Variants in AP3B2 observed in about 807,000 individuals in gnomAD.
AP3B2 encodes adaptor related protein complex 3 subunit beta 2, also known as AP-3 complex subunit beta-2.
In AP3B2, 50 loss-of-function variants were observed where a neutral mutation model predicts 126.9. That is an observed-to-expected ratio of 0.39 (90% CI 0.31 to 0.50). AP3B2 has a LOEUF of 0.50. Ranked by LOEUF, AP3B2 falls within the 20% of genes least tolerant of loss-of-function variation. AP3B2 has a pLI of 0.79. For synonymous variants in AP3B2, 541 were observed against 565.0 expected, an observed-to-expected ratio of 0.96 and a Z score of 0.60; for missense variants, 1,177 against 1,426.4, an observed-to-expected ratio of 0.83 and a Z score of 2.82.
rs1453188847 is a variant in AP3B2 at position 82,680,861 on chromosome 15, C to T, written c.747G>A (p.Thr249=). ...IISMLTRYAR[T]QFLSPTQNES... is the part of the protein sequence containing the mutation. ...CGTTCTGGGTGGGGCTCAGGAACTG[C>T]GTGCGGGCGTAGCGGGTGAGCATGC... Residue 249 remains threonine, a synonymous_variant, in exon 7 of 27, where the codon ACG becomes ACA. Coordinates refer to ENST00000535359, the MANE Select transcript of AP3B2 (RefSeq NM_001278512.2). This position sits in a 1 kb window ranked among gnomAD's most constrained non-coding sequence, Gnocchi z 6.1. 3.1e-6 allele frequency: 5 copies of T among 1,613,748 alleles called. No individual in the cohort carries two copies. Among genetic ancestry groups the T allele is most frequent in the Non-Finnish European group, 4.2e-6 (5 of 1,179,786 alleles).
Position 82,666,942 on chromosome 15 carries a change from A to C in AP3B2, c.1666-9T>G. 1 of 1,604,754 alleles carries C rather than the reference A, an allele frequency of 6.2e-7. No individual in the cohort carries two copies. Among genetic ancestry groups the C allele is most frequent in the South Asian group, 1.1e-5 (1 of 90,522 alleles). Reference sequence around the variant, plus strand: ...TGGGTCAGCAGCTTGGTCTGGAGGAACAGGAAGAGGTGGGTCAGCTGACGG... The same window carrying C: ...TGGGTCAGCAGCTTGGTCTGGAGGACCAGGAAGAGGTGGGTCAGCTGACGG... On this transcript the variant is annotated splice_polypyrimidine_tract_variant and intron_variant, in intron 14 of 26. Coordinates refer to ENST00000535359, the MANE Select transcript of AP3B2 (RefSeq NM_001278512.2).
chr15:82,669,459 C>T (rs1257176548), intron 14 of AP3B2, among the ~76,000 whole-genome samples: 3 of 151,892 alleles, frequency 2.0e-5, no homozygotes, highest in Admixed American at 2.0e-4. Flanking sequence ...TTTGGGAGGC[C>T]GAGGCAGGCA....
At chr15:82,669,427 C>A (rs1159290737) in intron 14 of AP3B2, among the ~76,000 whole-genome samples, 1 of 152,224 alleles carries the variant, frequency 6.6e-6, no homozygotes, top group African/African-American at 2.4e-5. Flanking sequence ...GGTGCGGTGG[C>A]TGATGCCTGT....
In AP3B2 at chr15:82,662,152, C is replaced by T. The variant is rs719334; in HGVS notation, c.2918+16G>A. 1.1e-5 allele frequency: 18 copies of T among 1,586,342 alleles called. No individual in the cohort carries two copies. The highest frequency in any genetic ancestry group is 1.5e-5 in the Non-Finnish European group (17 of 1,164,810). ...CCAGCCCATCCTCTCACCCCCACCT[C>T]GAGTTGGGCACATACCACAGCTGGA... On this transcript the variant is annotated intron_variant, in intron 24 of 26. Transcript: ENST00000535359.
In AP3B2 at chr15:82,664,297, C is replaced by T; in HGVS notation, c.2261+70G>A. 1.2e-6 allele frequency: 2 copies of T among 1,608,136 alleles called. No homozygotes were observed. The highest frequency in any genetic ancestry group is 8.5e-7 in the Non-Finnish European group (1 of 1,178,872). ...GGGGCTCTTAGGAGACTGGCTAAAG[C>T]TCAATGCTAGCCCTCTTTCCAGGAA... On this transcript the variant is annotated intron_variant, in intron 19 of 26. Transcript: ENST00000535359. This position sits in a 1 kb window ranked among gnomAD's most constrained non-coding sequence, Gnocchi z 4.5.
Position 82,662,764 on chromosome 15 carries a change from G to T in AP3B2, c.2763C>A (p.Pro921=). The T allele has an allele frequency of 6.2e-7, 1 of 1,613,882 alleles. No homozygotes were observed. The highest frequency in any genetic ancestry group is 2.2e-5 in the East Asian group (1 of 44,876). The change falls in exon 23 of 27, where the codon CCC becomes CCA. Residue 921 remains proline (P), a synonymous_variant. Coordinates refer to ENST00000535359, the MANE Select transcript of AP3B2 (RefSeq NM_001278512.2). ...GAGTGCCCACATGCAGGCCCTTGAT[G>T]GGGGTATCAGAGCTGTTGGAGAAGT... ...HIHFSNSSDT[P]IKGLHVGTPK...
intron 10 of AP3B2, 34 bp from the exon 11 acceptor site, chr15:82,678,201 G>A: frequency 6.2e-7 from 1 of 1,605,688 alleles, no homozygotes; most frequent in Non-Finnish European, 8.5e-7. Context: ...GAAAATGGGT[G>A]GGTTGGCCAG....
Position 82,677,136 on chromosome 15 carries a change from C to G in AP3B2, c.1488+138G>C, listed in dbSNP as rs540717798. 162 of 737,550 alleles carry G rather than the reference C, an allele frequency of 2.2e-4. No homozygotes were observed. In the African/African-American group the frequency reaches 2.6e-3, roughly 12 times the overall value. The allele number at this position is 737,550 out of a possible 1,614,324, so 45.7% of individuals were successfully genotyped here. ...GGTAACAAGGTCAGGGTCACATGGT[C>G]CAGTGTCTCTGCTCCTTCCACCTGA... is the stretch of plus-strand genomic sequence containing the variant. On this transcript the variant is annotated intron_variant, in intron 13 of 26. Coordinates refer to ENST00000535359, the MANE Select transcript of AP3B2 (RefSeq NM_001278512.2).
intron 1 of AP3B2, among the ~76,000 whole-genome samples, chr15:82,698,805 G>A (rs1379460661): frequency 1.3e-5 from 2 of 152,016 alleles, no homozygotes; most frequent in Non-Finnish European, 2.9e-5. Flanking sequence ...ACACCCCAGG[G>A]CATCCTCCCC....
chr15:82,692,850 G>A (rs1003023023), intron 1 of AP3B2: 1 of 151,672 alleles, frequency 6.6e-6, no homozygotes, highest in Admixed American at 6.6e-5. Context: ...AGGAATAAGG[G>A]TAATGCTGAG....
intron 1 of AP3B2, among the ~76,000 whole-genome samples, chr15:82,691,504 T>C (rs188891838): frequency 2.0e-5 from 3 of 152,264 alleles, no homozygotes; most frequent in Non-Finnish European, 4.4e-5. Flanking sequence ...GTGAAAAATA[T>C]ACAACTTGTT....
At chr15:82,703,631 T>G (rs1424551565) in intron 1 of AP3B2, among the ~76,000 whole-genome samples, 1 of 152,140 alleles carries the variant, frequency 6.6e-6, no homozygotes, top group Non-Finnish European at 1.5e-5. Context: ...GCACTTTCGA[T>G]TTTTCCATCC....
In AP3B2 at chr15:82,677,815, G is replaced by C. The variant is rs1321021609; in HGVS notation, c.1246-12C>G. Reference sequence around the variant, plus strand: ...CTGCGAATATAGGTCTGTGGGATATGACAAAGAAATCCCTCAGTGACTCTG... The same window carrying C: ...CTGCGAATATAGGTCTGTGGGATATCACAAAGAAATCCCTCAGTGACTCTG... On this transcript the variant is annotated splice_polypyrimidine_tract_variant and intron_variant, in intron 11 of 26. Coordinates refer to ENST00000535359, the MANE Select transcript of AP3B2 (RefSeq NM_001278512.2). The C allele has an allele frequency of 6.3e-7, 1 of 1,580,888 alleles. No individual in the cohort carries two copies. Among genetic ancestry groups the C allele is most frequent in the East Asian group, 2.2e-5 (1 of 44,460 alleles).
At chr15:82,678,261 A>G (rs1308875063) in intron 10 of AP3B2, 94 bp from the exon 11 acceptor site, 1 of 1,208,174 alleles carries the variant, frequency 8.3e-7, no homozygotes, top group African/African-American at 1.5e-5. Context: ...CCAGAAAACA[A>G]TCCTCATGAC....
At chr15:82,686,658 A>C (rs946189515) in intron 4 of AP3B2, 4 of 151,762 alleles carry the variant, frequency 2.6e-5, no homozygotes, top group Non-Finnish European at 5.9e-5. Flanking sequence ...GGGTCTCCCT[A>C]TGTTGCCCAG....
chr15:82,663,059 C>T, intron 22 of AP3B2, 68 bp downstream of exon 22: 1 of 1,510,434 alleles, frequency 6.6e-7, no homozygotes, highest in Non-Finnish European at 9.0e-7. Context: ...CACACACATC[C>T]ACACCATAGG....
At chr15:82,682,213 A>G (rs909959427) in intron 4 of AP3B2, among the ~76,000 whole-genome samples, 14 of 151,644 alleles carry the variant, frequency 9.2e-5, no homozygotes, top group Admixed American at 2.0e-4. Flanking sequence ...CACCACACCC[A>G]GCTAATTTTT....
chr15:82,699,494 G>A (rs545507587), intron 1 of AP3B2: 7 of 397,718 alleles, frequency 1.8e-5, no homozygotes, highest in East Asian at 3.6e-5. Flanking sequence ...CACCTTCTCC[G>A]CCCAGCCTGG....
At chr15:82,667,355 C>T (rs183147623) in intron 14 of AP3B2, among the ~76,000 whole-genome samples, 13 of 152,276 alleles carry the variant, frequency 8.5e-5, no homozygotes, top group African/African-American at 2.9e-4. Context: ...GGGAATTAGA[C>T]AACAAAAAGA....
Sources: gnomAD v4.1 joint callset for allele counts (sites outside exome capture counted in the v4.1 genomes callset) on GRCh38, gnomAD v4.1.1 for gene constraint, Gnocchi (gnomAD v3.1) non-coding constraint, MANE v1.5 for transcripts, NCBI Gene and HGNC (gene_info 2026-07-23, HGNC 2026-07-21) for gene names.